PIP4K2A: variants seen among roughly 807,000 people sequenced by gnomAD.
PIP4K2A encodes the protein phosphatidylinositol-5-phosphate 4-kinase type 2 alpha.
PIP4K2A carries 14 observed loss-of-function variants against 42.9 expected under a neutral mutation model. The observed-to-expected ratio is 0.33, with a 90% CI of 0.22 to 0.51. PIP4K2A has a LOEUF of 0.51. PIP4K2A is among the 20% of genes least tolerant of loss of function. PIP4K2A has a pLI of 0.97. For synonymous variants in PIP4K2A, 192 were observed against 192.2 expected, an observed-to-expected ratio of 1.00 and a Z score of 0.01; for missense variants, 434 against 519.8, an observed-to-expected ratio of 0.83 and a Z score of 1.61.
chr10:22,593,478 C>T (rs946698424), intron 3 of PIP4K2A, among the ~76,000 whole-genome samples: 1 of 152,162 alleles, frequency 6.6e-6, no homozygotes, highest in African/African-American at 2.4e-5. Context: ...GATGAAAATG[C>T]CTACATTAAC....
intron 1 of PIP4K2A, among the ~76,000 whole-genome samples, chr10:22,668,962 A>T (rs2130855101): frequency 6.6e-6 from 1 of 152,274 alleles, no homozygotes; most frequent in South Asian, 2.1e-4. Context: ...AATACATTTC[A>T]TTTTTAATAA....
intron 7 of PIP4K2A, among the ~76,000 whole-genome samples, chr10:22,546,717 T>C (rs1179688191): frequency 6.6e-6 from 1 of 152,110 alleles, no homozygotes; most frequent in Non-Finnish European, 1.5e-5. Flanking sequence ...GGCCTCAAAC[T>C]TTACTTTAAA....
At chr10:22,555,897 TAAAA>T (rs11337795) in intron 6 of PIP4K2A, among the ~76,000 whole-genome samples, 2 of 147,054 alleles carry the variant, frequency 1.4e-5, no homozygotes, top group Non-Finnish European at 3.0e-5. Context: ...CTGATGAGCT[TAAAA>T]AAAAAAAAAA....
At chr10:22,635,616 G>A (rs1210243283) in intron 1 of PIP4K2A, among the ~76,000 whole-genome samples, 1 of 152,166 alleles carries the variant, frequency 6.6e-6, no homozygotes, top group Non-Finnish European at 1.5e-5. Flanking sequence ...AATGGCTGAA[G>A]AACTTAAAAG....
rs181060683 is a variant in PIP4K2A at position 22,544,040 on chromosome 10, G to A, written c.793-1993C>T. ...TCTCTGCTCTCTATCAGCTACCTCT[G>A]GAGGCTGCCTTAAAGCAGCTTTCCC... On this transcript the variant is annotated intron_variant, in intron 7 of 9. Coordinates refer to ENST00000376573, the MANE Select transcript of PIP4K2A (RefSeq NM_005028.5). Among the ~76,000 whole-genome samples, 9 of 152,270 alleles carry A rather than the reference G, an allele frequency of 5.9e-5. No homozygotes were observed. The East Asian group carries it at 7.7e-4, about 13-fold the overall frequency.
chr10:22,576,162 T>G (rs1837115031), intron 4 of PIP4K2A, among the ~76,000 whole-genome samples: 1 of 152,158 alleles, frequency 6.6e-6, no homozygotes, highest in Admixed American at 6.5e-5. Flanking sequence ...CATTAATGGG[T>G]TAAAATTTTG....
At chr10:22,655,937 G>C (rs1348658588) in intron 1 of PIP4K2A, among the ~76,000 whole-genome samples, 2 of 152,078 alleles carry the variant, frequency 1.3e-5, no homozygotes, top group African/African-American at 4.8e-5. Flanking sequence ...CAAAGCGCTG[G>C]AGTGGGCATC....
intron 5 of PIP4K2A, 67 bp downstream of exon 5, chr10:22,573,244 G>T: frequency 7.1e-7 from 1 of 1,402,670 alleles, no homozygotes. Context: ...GATGATCAAT[G>T]ACAACATTTA....
At chr10:22,538,381 T>G (rs557985031) in intron 9 of PIP4K2A, among the ~76,000 whole-genome samples, 1 of 152,036 alleles carries the variant, frequency 6.6e-6, no homozygotes, top group Non-Finnish European at 1.5e-5. Flanking sequence ...GGAGCCATAT[T>G]GGCTAGGATA....
intron 1 of PIP4K2A, among the ~76,000 whole-genome samples, chr10:22,701,757 T>C (rs1833720164): frequency 6.6e-6 from 1 of 151,738 alleles, no homozygotes; most frequent in South Asian, 2.1e-4. Flanking sequence ...CATGAAAGAG[T>C]TGGAAGAGGG....
chr10:22,574,437 A>ATCTTG (rs1837062097), intron 4 of PIP4K2A, among the ~76,000 whole-genome samples: 1 of 32,970 alleles, frequency 3.0e-5, no homozygotes, highest in Admixed American at 4.2e-4. Context: ...TGAATTTTTC[A>ATCTTG]TTTTCTGTTT....
chr10:22,714,178 C>G lies in PIP4K2A; in HGVS notation c.144+5G>C. The G allele has an allele frequency of 6.2e-7, 1 of 1,605,880 alleles. No homozygotes were observed. Among genetic ancestry groups the G allele is most frequent in the Middle Eastern group, 1.7e-4 (1 of 6,020 alleles). ...GGGGACCGCGCGCCGCAGCTGAGCC[C>G]TTACCGAGTGGTTTACCCCCCACAT... On this transcript the variant is annotated splice_donor_5th_base_variant and intron_variant, in intron 1 of 9. Transcript: ENST00000376573.
rs1838082852 is a variant in PIP4K2A, at chr10:22,612,754, T to C, written c.145-3037A>G. ...CTGGTGGGTCCAACGACTGGCACAA[T>C]GCATCTTAAGAGAAGAGTTCAGTTT... is the stretch of plus-strand genomic sequence containing the variant. On this transcript the variant is annotated intron_variant, in intron 1 of 9. Transcript: ENST00000376573. 2.0e-5 allele frequency among the ~76,000 whole-genome samples: 3 copies of C among 152,150 alleles called. No individual in the cohort carries two copies. The South Asian group carries it at 6.2e-4, about 32-fold the overall frequency.
At chr10:22,548,517 A>G (rs1836310928) in intron 7 of PIP4K2A, among the ~76,000 whole-genome samples, 1 of 152,236 alleles carries the variant, frequency 6.6e-6, no homozygotes, top group Non-Finnish European at 1.5e-5. Flanking sequence ...CTAAAACCAT[A>G]TTCTTCTCAG....
chr10:22,712,936 G>GTC, intron 1 of PIP4K2A, among the ~76,000 whole-genome samples: 1 of 151,750 alleles, frequency 6.6e-6, no homozygotes, highest in African/African-American at 2.4e-5. Context: ...GTGTGTGTGT[G>GTC]TGTGTCTGTG....
At chr10:22,712,913 GGTGTGTGTGTGT>G (rs35439666) in intron 1 of PIP4K2A, among the ~76,000 whole-genome samples, 2 of 147,502 alleles carry the variant, frequency 1.4e-5, no homozygotes, top group Non-Finnish European at 3.0e-5. Flanking sequence ...CTACATTGAG[GGTGTGTGTGTGT>G]GTGTGTGTGT....
chr10:22,575,943 A>C (rs887410746), intron 4 of PIP4K2A, among the ~76,000 whole-genome samples: 2 of 152,126 alleles, frequency 1.3e-5, no homozygotes, highest in Non-Finnish European at 2.9e-5. Flanking sequence ...ATCTCAAAAA[A>C]AAAACAAAAA....
At chr10:22,561,532 A>G (rs1836696105) in intron 6 of PIP4K2A, among the ~76,000 whole-genome samples, 1 of 150,490 alleles carries the variant, frequency 6.6e-6, no homozygotes, top group Admixed American at 6.6e-5. Flanking sequence ...TGAGATTACT[A>G]ATTAAACTAT....
At chr10:22,575,345 A>C (rs890455390) in intron 4 of PIP4K2A, among the ~76,000 whole-genome samples, 2 of 152,104 alleles carry the variant, frequency 1.3e-5, no homozygotes, top group African/African-American at 4.8e-5. Flanking sequence ...CCCAGGGGAC[A>C]CACCGATTTT....
Sources: gnomAD v4.1 joint callset for allele counts (sites outside exome capture counted in the v4.1 genomes callset) on GRCh38, gnomAD v4.1.1 for gene constraint, MANE v1.5 for transcripts, NCBI Gene and HGNC (gene_info 2026-07-23, HGNC 2026-07-21) for gene names.